The following BRMS1L variants were observed in gnomAD, a reference collection of about 807,000 sequenced individuals.
BRMS1L encodes the protein breast cancer metastasis-suppressor 1-like protein.
A neutral mutation model predicts 50.3 loss-of-function variants in BRMS1L; 23 were observed. The observed-to-expected ratio is 0.46, with a 90% CI of 0.33 to 0.65. BRMS1L has a LOEUF of 0.65. BRMS1L is among the 30% of genes least tolerant of loss of function. The pLI, the probability that BRMS1L is intolerant of heterozygous loss-of-function variation, is 0.02. For synonymous variants in BRMS1L, 114 were observed against 126.9 expected (o/e 0.90, Z 0.69); for missense variants, 286 against 386.1 (o/e 0.74, Z 2.17).
In BRMS1L at chr14:35,834,909, C is replaced by A; in HGVS notation, c.427C>A (p.Arg143Ser). ...NKYECEIQAS[R>S]QHCESEKLLL... ...ATATGAATGTGAAATTCAAGCTTCT[C>A]GCCAGCATTGTGAGGTACTGTCATT... is the stretch of plus-strand genomic sequence containing the variant. The change falls in exon 4 of 10, where the codon CGC becomes AGC. Residue 143 changes from arginine to serine, a missense_variant. Physicochemically the swap from Arg to Ser is moderately radical, Grantham distance 110 (BLOSUM62 -1). Transcript: ENST00000216807. 1.3e-6 allele frequency: 2 copies of A among 1,592,242 alleles called. No individual in the cohort carries two copies. Among genetic ancestry groups the A allele is most frequent in the Admixed American group, 1.7e-5 (1 of 57,180 alleles).
chr14:35,834,351 G>T (rs1025487212), intron 3 of BRMS1L, among the ~76,000 whole-genome samples: 1 of 151,998 alleles, frequency 6.6e-6, no homozygotes, highest in Admixed American at 6.6e-5. Flanking sequence ...AGACATAATT[G>T]ATTTTGTTAT....
chr14:35,852,924 C>T (rs2078230649), intron 4 of BRMS1L, among the ~76,000 whole-genome samples: 1 of 151,650 alleles, frequency 6.6e-6, no homozygotes. Flanking sequence ...GAGCGAGGCT[C>T]CGTCTCAAAA....
intron 4 of BRMS1L, among the ~76,000 whole-genome samples, chr14:35,839,256 CT>C (rs1307635012): frequency 2.0e-5 from 3 of 152,166 alleles, no homozygotes; most frequent in Non-Finnish European, 4.4e-5. Context: ...CAGTACCATG[CT>C]GTTCTGGTTA....
intron 4 of BRMS1L, among the ~76,000 whole-genome samples, chr14:35,838,677 G>A (rs1167601249): frequency 6.6e-6 from 1 of 152,170 alleles, no homozygotes. Context: ...GTCTTCTTTT[G>A]AGAAGTGTCT....
chr14:35,855,903 T>C (rs1486847721), intron 4 of BRMS1L, among the ~76,000 whole-genome samples: 1 of 152,210 alleles, frequency 6.6e-6, no homozygotes, highest in Non-Finnish European at 1.5e-5. Flanking sequence ...AGATGTTGAG[T>C]AATTTGCTCA....
intron 4 of BRMS1L, among the ~76,000 whole-genome samples, chr14:35,835,318 A>G (rs2077976968): frequency 6.6e-6 from 1 of 152,196 alleles, no homozygotes; most frequent in Non-Finnish European, 1.5e-5. Context: ...CTATTTCCAC[A>G]TCTTTGGGCA....
chr14:35,857,907 G>GT (rs1238873941), intron 4 of BRMS1L, among the ~76,000 whole-genome samples: 3,486 of 120,450 alleles, frequency 0.029, 122 homozygotes, highest in African/African-American at 0.094. Context: ...TCCTAATGCT[G>GT]TTTTTTTTTT....
At chr14:35,838,853 C>G (rs7156318) in intron 4 of BRMS1L, among the ~76,000 whole-genome samples, 49,720 of 151,876 alleles carry the variant, frequency 0.33, 10,789 homozygotes, top group African/African-American at 0.6. Context: ...TTCTTTTGCT[C>G]TGCAGAAGCT....
At chr14:35,839,774 G>A (rs186630091) in intron 4 of BRMS1L, among the ~76,000 whole-genome samples, 3 of 152,344 alleles carry the variant, frequency 2.0e-5, no homozygotes, top group Middle Eastern at 3.4e-3. Context: ...ATTTTGGGCT[G>A]AGACGATGGG....
At chr14:35,854,023 C>T (rs1211794596) in intron 4 of BRMS1L, among the ~76,000 whole-genome samples, 1 of 152,186 alleles carries the variant, frequency 6.6e-6, no homozygotes, top group East Asian at 1.9e-4. Context: ...CAGTTATTCC[C>T]TCCCAAATTA....
intron 1 of BRMS1L, among the ~76,000 whole-genome samples, chr14:35,828,905 G>A (rs1244689309): frequency 2.0e-5 from 3 of 152,100 alleles, no homozygotes; most frequent in African/African-American, 7.2e-5. Context: ...TTTCAAAAGC[G>A]GGGAATATAG....
intron 2 of BRMS1L, among the ~76,000 whole-genome samples, chr14:35,832,391 C>T (rs1456742058): frequency 1.3e-5 from 2 of 151,242 alleles, no homozygotes; most frequent in Non-Finnish European, 2.9e-5. Context: ...CCTGTAGTCC[C>T]AGCTACTCGG....
chr14:35,835,542 A>G (rs2142039915), intron 4 of BRMS1L, among the ~76,000 whole-genome samples: 1 of 152,314 alleles, frequency 6.6e-6, no homozygotes, highest in Non-Finnish European at 1.5e-5. Context: ...AAATATTTAT[A>G]GCATTTAAAA....
At chr14:35,857,445 G>A (rs1304853218) in intron 4 of BRMS1L, among the ~76,000 whole-genome samples, 3 of 151,760 alleles carry the variant, frequency 2.0e-5, no homozygotes, top group Non-Finnish European at 2.9e-5. Context: ...TCTAACTTGT[G>A]TATCAGTTGC....
chr14:35,859,186 C>T (rs572180241), intron 4 of BRMS1L, among the ~76,000 whole-genome samples: 8 of 152,160 alleles, frequency 5.3e-5, no homozygotes, highest in Non-Finnish European at 8.8e-5. Context: ...TCAAGTGATC[C>T]GCCAGCCTCA....
At chr14:35,833,302 TAA>T (rs79273951) in intron 3 of BRMS1L, among the ~76,000 whole-genome samples, 197 bp downstream of exon 3, 18 of 140,506 alleles carry the variant, frequency 1.3e-4, no homozygotes, top group Admixed American at 2.9e-4. Flanking sequence ...TGTAGGGGAT[TAA>T]AAAAAAAAAA....
At chr14:35,840,103 C>A (rs2078043808) in intron 4 of BRMS1L, among the ~76,000 whole-genome samples, 1 of 152,136 alleles carries the variant, frequency 6.6e-6, no homozygotes, top group Non-Finnish European at 1.5e-5. Flanking sequence ...TTATCGAAGA[C>A]ATTTTCTGCA....
chr14:35,835,051 T>TCAA, intron 4 of BRMS1L, 128 bp downstream of exon 4: 1 of 485,736 alleles, frequency 2.1e-6, no homozygotes, highest in Admixed American at 4.6e-5. Context: ...TTGTGTGTGA[T>TCAA]TAAAAAAAAA....
rs372435443 is a variant in BRMS1L, at chr14:35,831,520, G to A, written c.233+20G>A. The A allele has an allele frequency of 3.8e-6, 6 of 1,566,522 alleles. No homozygotes were observed. Among genetic ancestry groups the A allele is most frequent in the Non-Finnish European group, 5.3e-6 (6 of 1,137,298 alleles). On this transcript the variant is annotated intron_variant, in intron 2 of 9. Coordinates refer to ENST00000216807, the MANE Select transcript of BRMS1L (RefSeq NM_032352.4). ...AGATCAGTAAGTAGTGACTTTAGAAGGCCATTGTCACTGAATCTCAACCTT... is the reference window on the plus strand; with the variant it reads ...AGATCAGTAAGTAGTGACTTTAGAAAGCCATTGTCACTGAATCTCAACCTT...
Sources: gnomAD v4.1 joint callset for allele counts (sites outside exome capture counted in the v4.1 genomes callset) on GRCh38, gnomAD v4.1.1 for gene constraint, MANE v1.5 for transcripts, NCBI Gene and HGNC (gene_info 2026-07-23, HGNC 2026-07-21) for gene names.